The following NMNAT3 variants were observed in gnomAD, a reference collection of about 807,000 sequenced individuals.
The protein encoded by NMNAT3 is nicotinamide nucleotide adenylyltransferase 3.
Under a neutral mutation model 24.8 loss-of-function variants are expected in NMNAT3, and 21 were observed. The ratio of observed to expected loss-of-function variants is 0.85; its 90% confidence interval spans 0.60 to 1.22. NMNAT3 has a LOEUF of 1.22. Ranked by LOEUF, NMNAT3 falls within the 50% of genes most tolerant of loss-of-function variation. NMNAT3 has a pLI of 0.00. For synonymous variants in NMNAT3, 136 were observed against 155.2 expected (o/e 0.88, Z 0.92); for missense variants, 387 against 436.6 (o/e 0.89, Z 1.01).
At chr3:139,650,816 C>A (rs1486890759) in intron 1 of NMNAT3, among the ~76,000 whole-genome samples, 1 of 152,196 alleles carries the variant, frequency 6.6e-6, no homozygotes, top group Admixed American at 6.5e-5. Context: ...TTCTCTACTC[C>A]ATTTCCCTTC....
At chr3:139,591,108 G>C (rs1220127742) in intron 3 of NMNAT3, among the ~76,000 whole-genome samples, 1 of 151,118 alleles carries the variant, frequency 6.6e-6, no homozygotes, top group African/African-American at 2.4e-5. Flanking sequence ...GCCAGTGTGT[G>C]TGCGCACCGT....
chr3:139,649,259 G>C (rs2056974644), intron 1 of NMNAT3, among the ~76,000 whole-genome samples: 1 of 152,138 alleles, frequency 6.6e-6, no homozygotes, highest in Admixed American at 6.5e-5. Flanking sequence ...GGTCTTTAAA[G>C]ATTGCCTGTG....
chr3:139,635,136 TA>T (rs2056452605), intron 2 of NMNAT3: 1 of 152,202 alleles, frequency 6.6e-6, no homozygotes, highest in Non-Finnish European at 1.5e-5. Context: ...GTTTAAAACA[TA>T]ATTTGTCACT....
intron 1 of NMNAT3, among the ~76,000 whole-genome samples, chr3:139,641,276 G>A (rs2056693265): frequency 1.3e-5 from 2 of 152,194 alleles, no homozygotes; most frequent in Non-Finnish European, 2.9e-5. Context: ...TACTGTGTGT[G>A]AATTTAAAAA....
intron 4 of NMNAT3, among the ~76,000 whole-genome samples, chr3:139,580,887 G>T (rs1342409042): frequency 6.6e-6 from 1 of 151,686 alleles, no homozygotes; most frequent in African/African-American, 2.4e-5. Context: ...TTTGCATTGT[G>T]TGCATCCTAA....
At chr3:139,662,042 G>T (rs2057431863) in intron 1 of NMNAT3, among the ~76,000 whole-genome samples, 1 of 152,136 alleles carries the variant, frequency 6.6e-6, no homozygotes, top group Non-Finnish European at 1.5e-5. Flanking sequence ...AGAAGCAAGT[G>T]TGTCCCATCT....
chr3:139,647,764 G>T (rs1485893439), intron 1 of NMNAT3, among the ~76,000 whole-genome samples: 1 of 152,192 alleles, frequency 6.6e-6, no homozygotes, highest in African/African-American at 2.4e-5. Flanking sequence ...CCCTGCTGAT[G>T]CCTTGGTTTT....
At chr3:139,585,583 C>A (rs537394873) in intron 3 of NMNAT3, among the ~76,000 whole-genome samples, 1 of 152,298 alleles carries the variant, frequency 6.6e-6, no homozygotes, top group Middle Eastern at 3.4e-3. Context: ...TCCTCCAGAT[C>A]TAAGATAGAT....
intron 1 of NMNAT3, among the ~76,000 whole-genome samples, chr3:139,667,019 A>T (rs546560237): frequency 6.6e-6 from 1 of 152,322 alleles, no homozygotes; most frequent in South Asian, 2.1e-4. Flanking sequence ...ATTTAGGTTG[A>T]TTCCAAGTCT....
intron 1 of NMNAT3, among the ~76,000 whole-genome samples, chr3:139,638,835 T>C (rs1475789542): frequency 1.3e-5 from 2 of 152,188 alleles, no homozygotes; most frequent in Non-Finnish European, 2.9e-5. Flanking sequence ...CTGGATAATG[T>C]TGAAATTCTT....
At chr3:139,615,323 T>G (rs1319919536) in intron 3 of NMNAT3, among the ~76,000 whole-genome samples, 1 of 152,220 alleles carries the variant, frequency 6.6e-6, no homozygotes, top group African/African-American at 2.4e-5. Flanking sequence ...TGGTTTATAT[T>G]ATGGCTACTG....
At chr3:139,578,601 C>A (rs558241384) in intron 5 of NMNAT3, among the ~76,000 whole-genome samples, 1 of 152,312 alleles carries the variant, frequency 6.6e-6, no homozygotes, top group Non-Finnish European at 1.5e-5. Flanking sequence ...TGGCACTAGA[C>A]CCCAGTGCTA....
At chr3:139,670,928 C>T (rs949381643) in intron 1 of NMNAT3, among the ~76,000 whole-genome samples, 3 of 152,150 alleles carry the variant, frequency 2.0e-5, no homozygotes, top group Non-Finnish European at 4.4e-5. Context: ...AACACATCTG[C>T]AGGCCATTCA....
intron 3 of NMNAT3, among the ~76,000 whole-genome samples, chr3:139,586,746 A>G (rs951387861): frequency 1.3e-5 from 2 of 152,262 alleles, no homozygotes; most frequent in Non-Finnish European, 2.9e-5. Context: ...ATCAAGAACC[A>G]GAAAACCCGG....
In NMNAT3 at chr3:139,627,664, T is replaced by C; in HGVS notation, c.61A>G (p.Met21Val). Residue 21 changes from methionine (M) to valine (V), a missense_variant, in exon 3 of 7, where the codon ATG becomes GTG. Physicochemically the swap from Met to Val is conservative, Grantham distance 21. This residue lies in a region of NMNAT3 where 51 missense variants were observed against 55.6 expected (regional missense o/e 0.92). Transcript: ENST00000643695. ...GCCACCTCAAACATGCGCAGGTGCA[T>C]GTTGGTGATGGGGTTAAAGGAGCCA... 1.3e-6 allele frequency: 2 copies of C among 1,596,054 alleles called. No individual in the cohort carries two copies. The highest frequency in any genetic ancestry group is 1.7e-6 in the Non-Finnish European group (2 of 1,178,398).
intron 5 of NMNAT3, among the ~76,000 whole-genome samples, chr3:139,577,594 A>T (rs1031659910): frequency 6.6e-6 from 1 of 152,204 alleles, no homozygotes; most frequent in African/African-American, 2.4e-5. Context: ...TCTTGCTTCT[A>T]TTCCCCCTCT....
At chr3:139,622,848 T>TTATATATATTA in intron 3 of NMNAT3, among the ~76,000 whole-genome samples, 1 of 136,366 alleles carries the variant, frequency 7.3e-6, no homozygotes, top group African/African-American at 2.7e-5. Flanking sequence ...ATTATATATA[T>TTATATATATTA]TATATATATA....
chr3:139,642,872 A>G (rs1463973405), intron 1 of NMNAT3, among the ~76,000 whole-genome samples: 2 of 152,020 alleles, frequency 1.3e-5, no homozygotes, highest in Non-Finnish European at 2.9e-5. Context: ...AAAAACCTGA[A>G]TGTACCCTGC....
chr3:139,657,488 G>T (rs886270761), intron 1 of NMNAT3, among the ~76,000 whole-genome samples: 1 of 152,196 alleles, frequency 6.6e-6, no homozygotes, highest in Non-Finnish European at 1.5e-5. Flanking sequence ...CAACAGAGGT[G>T]CATCTTAGGA....
Sources: allele counts gnomAD v4.1 joint callset (sites outside exome capture counted in the v4.1 genomes callset), GRCh38; gene constraint gnomAD v4.1.1; regional missense constraint gnomAD v4.1.1; transcripts MANE v1.5; gene names NCBI Gene and HGNC (gene_info 2026-07-23, HGNC 2026-07-21).